Variants in GMDS observed in about 807,000 individuals in gnomAD.
GMDS encodes GDP-mannose 4,6 dehydratase.
In GMDS, 20 loss-of-function variants were observed where a neutral mutation model predicts 49.9. The ratio of observed to expected loss-of-function variants is 0.40; its 90% CI spans 0.28 to 0.58. The LOEUF is 0.58. Ranked by LOEUF, GMDS falls within the 20% of genes least tolerant of loss-of-function variation. The pLI is 0.42. For synonymous variants in GMDS, 177 were observed against 178.6 expected (o/e 0.99, Z 0.07); for missense variants, 362 against 481.4 (o/e 0.75, Z 2.32).
intron 4 of GMDS, among the ~76,000 whole-genome samples, chr6:2,051,371 C>A (rs1013257649): frequency 1.3e-5 from 2 of 152,078 alleles, no homozygotes; most frequent in African/African-American, 4.8e-5. Flanking sequence ...TTTTAAGTTC[C>A]TTTATTATCA....
chr6:1,629,876 A>G (rs1447099273), intron 9 of GMDS, among the ~76,000 whole-genome samples: 1 of 152,232 alleles, frequency 6.6e-6, no homozygotes, highest in African/African-American at 2.4e-5. Context: ...ATCCGTATGC[A>G]TGCCCCAGAA....
At chr6:2,148,903 A>G (rs1364968573) in intron 1 of GMDS, among the ~76,000 whole-genome samples, 19 of 152,204 alleles carry the variant, frequency 1.2e-4, no homozygotes, top group Admixed American at 1.2e-3. Flanking sequence ...GAAACTGCTC[A>G]TCTGGACTGC....
chr6:2,244,454 A>C (rs1267281132), intron 1 of GMDS, among the ~76,000 whole-genome samples: 2 of 152,080 alleles, frequency 1.3e-5, no homozygotes, highest in African/African-American at 4.8e-5. Flanking sequence ...CACACATCAC[A>C]TTCTTTCTAC....
chr6:2,116,001 T>C, intron 3 of GMDS, 121 bp from the exon 4 acceptor site: 1 of 652,862 alleles, frequency 1.5e-6, no homozygotes, highest in South Asian at 1.8e-5. Flanking sequence ...ATGGAAATGC[T>C]GTACTGATGG....
intron 7 of GMDS, among the ~76,000 whole-genome samples, chr6:1,808,874 C>T (rs1036173567): frequency 6.6e-6 from 1 of 151,464 alleles, no homozygotes; most frequent in Non-Finnish European, 1.5e-5. Flanking sequence ...CTTGCTCACT[C>T]AGACTTCTTT....
intron 6 of GMDS, among the ~76,000 whole-genome samples, chr6:1,933,712 G>A (rs748823076): frequency 3.3e-5 from 5 of 152,088 alleles, no homozygotes; most frequent in African/African-American, 4.8e-5. Context: ...TTTTTAAATC[G>A]GATTACTTAT....
chr6:2,105,833 C>G (rs1479487737), intron 4 of GMDS, among the ~76,000 whole-genome samples: 1 of 152,140 alleles, frequency 6.6e-6, no homozygotes, highest in East Asian at 1.9e-4. Context: ...CTATCAGCTC[C>G]CATTTAGAAT....
In GMDS at chr6:2,153,012, G is replaced by A. The variant is rs1031681444; in HGVS notation, c.103-28281C>T. ...GGGGCATCGCTTGAACCCAGTAGGCGGAAGTCGCTGCACTCCAGCCTGGGC... is the reference window on the plus strand; with the variant it reads ...GGGGCATCGCTTGAACCCAGTAGGCAGAAGTCGCTGCACTCCAGCCTGGGC... On this transcript the variant is annotated intron_variant, in intron 1 of 10. Coordinates refer to ENST00000380815, the MANE Select transcript of GMDS (RefSeq NM_001500.4). Among the ~76,000 whole-genome samples, 9 of 151,950 alleles carry A rather than the reference G, an allele frequency of 5.9e-5. No homozygotes were observed. The South Asian group carries it at 6.2e-4, about 11-fold the overall frequency.
chr6:2,095,038 C>T (rs1170681770), intron 4 of GMDS, among the ~76,000 whole-genome samples: 1 of 152,126 alleles, frequency 6.6e-6, no homozygotes, highest in East Asian at 1.9e-4. Context: ...GAGCAGATGC[C>T]ACACTCCCCC....
chr6:1,822,089 C>G (rs1456298513), intron 7 of GMDS, among the ~76,000 whole-genome samples: 2 of 152,092 alleles, frequency 1.3e-5, no homozygotes, highest in Admixed American at 6.5e-5. Flanking sequence ...TGTAAACTAC[C>G]AGGAAACAGA....
intron 4 of GMDS, among the ~76,000 whole-genome samples, chr6:1,985,816 C>A (rs77116580): frequency 6.6e-6 from 1 of 151,884 alleles, no homozygotes; most frequent in African/African-American, 2.4e-5. Context: ...AAGGAAGAGG[C>A]GGGCTACTAA....
At chr6:1,903,059 A>C (rs1449303681) in intron 7 of GMDS, among the ~76,000 whole-genome samples, 1 of 152,192 alleles carries the variant, frequency 6.6e-6, no homozygotes, top group Non-Finnish European at 1.5e-5. Context: ...ATTGCACAGC[A>C]ATCAGGAGAT....
At chr6:1,878,051 C>A (rs546282629) in intron 7 of GMDS, among the ~76,000 whole-genome samples, 4 of 152,236 alleles carry the variant, frequency 2.6e-5, no homozygotes, top group South Asian at 2.1e-4. Context: ...CGGTGGCTCA[C>A]GCCTGTCATC....
At chr6:1,652,612 A>AT (rs1353133408) in intron 9 of GMDS, among the ~76,000 whole-genome samples, 5 of 9,430 alleles carry the variant, frequency 5.3e-4, no homozygotes, top group South Asian at 3.3e-3. Flanking sequence ...TATAATATAT[A>AT]TAATATATAT....
At chr6:2,108,380 T>C (rs1774357059) in intron 4 of GMDS, among the ~76,000 whole-genome samples, 2 of 150,754 alleles carry the variant, frequency 1.3e-5, no homozygotes, top group Admixed American at 1.3e-4. Flanking sequence ...TTTTAAATTT[T>C]ATATTGAATT....
intron 7 of GMDS, among the ~76,000 whole-genome samples, chr6:1,898,371 C>T (rs987473004): frequency 1.3e-5 from 2 of 152,230 alleles, no homozygotes; most frequent in Non-Finnish European, 2.9e-5. Context: ...AGTTGAGTCT[C>T]TTTAAGATGA....
At chr6:1,792,112 T>A (rs535587562) in intron 7 of GMDS, among the ~76,000 whole-genome samples, 33 of 152,326 alleles carry the variant, frequency 2.2e-4, no homozygotes, top group Admixed American at 9.1e-4. Context: ...AATTTTTGGT[T>A]AAGTCTATAT....
intron 7 of GMDS, among the ~76,000 whole-genome samples, chr6:1,867,254 T>A (rs957216311): frequency 6.6e-6 from 1 of 152,222 alleles, no homozygotes; most frequent in Non-Finnish European, 1.5e-5. Context: ...TAGGGTCAAC[T>A]AAGGATTACT....
intron 1 of GMDS, among the ~76,000 whole-genome samples, chr6:2,236,042 T>A (rs1490126375): frequency 5.3e-5 from 8 of 152,182 alleles, no homozygotes; most frequent in African/African-American, 1.9e-4. Flanking sequence ...ATAGTGTTTC[T>A]CTCTGGAGCA....
Sources: allele counts gnomAD v4.1 joint callset (sites outside exome capture counted in the v4.1 genomes callset), GRCh38; gene constraint gnomAD v4.1.1; transcripts MANE v1.5; gene names NCBI Gene and HGNC (gene_info 2026-07-23, HGNC 2026-07-21).